LYST: variants seen among roughly 807,000 people sequenced by gnomAD.
LYST encodes lysosomal-trafficking regulator.
A neutral mutation model predicts 413.6 loss-of-function variants in LYST; 192 were observed. That is an observed-to-expected ratio of 0.46 (90% CI 0.41 to 0.52). The LOEUF (loss-of-function observed/expected upper bound fraction) is 0.52. Among genes scored for constraint, LYST ranks in the 20% least tolerant of loss-of-function variants. The pLI, the probability that LYST is intolerant of heterozygous loss-of-function variation, is 0.00. For synonymous variants in LYST, 1,525 were observed against 1,567.3 expected (o/e 0.97, Z 0.64); for missense variants, 3,815 against 4,499.9 (o/e 0.85, Z 4.35).
At chr1:235,868,892 A>G (rs1680789495), upstream of LYST, among the ~76,000 whole-genome samples, 1 of 151,952 alleles carries the variant, frequency 6.6e-6, no homozygotes, top group African/African-American at 2.4e-5. Flanking sequence ...ACAGAGTTTC[A>G]TCATGTTGGT....
intron 45 of LYST, among the ~76,000 whole-genome samples, chr1:235,700,278 A>G (rs959216111): frequency 6.6e-6 from 1 of 152,228 alleles, no homozygotes; most frequent in African/African-American, 2.4e-5. Context: ...AGAGACTACC[A>G]TCAGAGTGAA....
At chr1:235,807,258 C>T (rs768044934) in intron 5 of LYST, among the ~76,000 whole-genome samples, 5 of 152,142 alleles carry the variant, frequency 3.3e-5, no homozygotes, top group African/African-American at 7.2e-5. Context: ...TGAAAATCTA[C>T]GGAAGGCTCA....
At position 235,753,064 on chromosome 1, in the gene LYST, G is replaced by C; in HGVS notation, c.7440C>G (p.Ala2480=). The C allele has an allele frequency of 6.4e-7, 1 of 1,559,652 alleles. No individual in the cohort carries two copies. Among genetic ancestry groups the C allele is most frequent in the Non-Finnish European group, 8.8e-7 (1 of 1,131,154 alleles). Residue 2480 remains alanine (A), a synonymous_variant, in exon 26 of 53, where the codon GCC becomes GCG. Transcript: ENST00000389793. ...LLYVLCNTVA[A]LNGLEKNIPM... ...CTTACTTCTTTTCTAATCCATTCAG[G>C]GCTGCTACTGTATTACATAACACAT...
chr1:235,695,447 C>T (rs1466141606), intron 46 of LYST, among the ~76,000 whole-genome samples: 1 of 152,042 alleles, frequency 6.6e-6, no homozygotes, highest in South Asian at 2.1e-4. Flanking sequence ...ATACATTGTG[C>T]GAAGAAATTA....
At chr1:235,759,752 A>G (rs2103355430) in intron 22 of LYST, among the ~76,000 whole-genome samples, 153 bp from the exon 23 acceptor site, 1 of 152,186 alleles carries the variant, frequency 6.6e-6, no homozygotes, top group East Asian at 1.9e-4. Flanking sequence ...AATGCTTAAA[A>G]TTCCTTTACT....
At chr1:235,754,092 T>A (rs1388770519) in intron 25 of LYST, among the ~76,000 whole-genome samples, 2 of 152,138 alleles carry the variant, frequency 1.3e-5, no homozygotes, top group East Asian at 3.8e-4. Flanking sequence ...AATCAGTGTA[T>A]CCAGGAATTC....
At chr1:235,707,579 C>T (rs1223494311) in intron 44 of LYST, among the ~76,000 whole-genome samples, 2 of 152,034 alleles carry the variant, frequency 1.3e-5, no homozygotes, top group African/African-American at 2.4e-5. Flanking sequence ...GCTGAGATCA[C>T]GCCACTGCAC....
chr1:235,733,416 G>T, intron 34 of LYST, 87 bp downstream of exon 34: 1 of 1,142,840 alleles, frequency 8.8e-7, no homozygotes, highest in East Asian at 2.4e-5. Flanking sequence ...GATTTTATGA[G>T]TCTGAATTCC....
chr1:235,873,990 T>C (rs1380288999), intron 1 of LYST, among the ~76,000 whole-genome samples: 1 of 152,178 alleles, frequency 6.6e-6, no homozygotes, highest in Non-Finnish European at 1.5e-5. Flanking sequence ...ATAATATAAG[T>C]TCTCAGCAGA....
intron 44 of LYST, among the ~76,000 whole-genome samples, chr1:235,706,992 C>T (rs970606960): frequency 1.6e-4 from 24 of 152,132 alleles, no homozygotes; most frequent in African/African-American, 4.6e-4. Context: ...TTGTTATAAA[C>T]GCTTGTAGAT....
rs1270485547 is a variant in LYST, at chr1:235,662,334, G to C, written c.*606C>G. ...CTCCTTTGAGCTAAGAAAGCAACTG[G>C]CAAAAACTGCCTAATTTTGAGATTC... is the stretch of plus-strand genomic sequence containing the variant. On this transcript the variant is annotated 3_prime_UTR_variant, in exon 53 of 53. Coordinates refer to ENST00000389793, the MANE Select transcript of LYST (RefSeq NM_000081.4). The C allele has an allele frequency of 1.3e-5, 2 of 152,726 alleles. No individual in the cohort carries two copies. Among genetic ancestry groups the C allele is most frequent in the East Asian group, 3.8e-4 (2 of 5,202 alleles). The allele number at this position is 152,726 out of a possible 1,614,324, so 9.5% of individuals were successfully genotyped here.
At chr1:235,694,261 C>T (rs530869737) in intron 46 of LYST, among the ~76,000 whole-genome samples, 22 of 152,028 alleles carry the variant, frequency 1.4e-4, no homozygotes, top group Admixed American at 7.2e-4. Context: ...GTGATCTGCC[C>T]GCCTCGGCCT....
intron 1 of LYST, among the ~76,000 whole-genome samples, chr1:235,856,563 C>G (rs1055833206): frequency 2.6e-5 from 4 of 152,166 alleles, no homozygotes; most frequent in Non-Finnish European, 4.4e-5. Flanking sequence ...TAAAATTATA[C>G]ATCTTCAATG....
At position 235,775,093 on chromosome 1, in the gene LYST, A is replaced by G; in HGVS notation, c.5461-7T>C. ...AGCTACTGAGTTCAACAACCTAAAA[A>G]AAAAAATGGGTGGATATAGTTTTCT... On this transcript the variant is annotated splice_region_variant and splice_polypyrimidine_tract_variant and intron_variant, in intron 17 of 52. Transcript: ENST00000389793. 6.2e-7 allele frequency: 1 copy of G among 1,608,214 alleles called. No individual in the cohort carries two copies. Among genetic ancestry groups the G allele is most frequent in the Non-Finnish European group, 8.5e-7 (1 of 1,178,412 alleles).
chr1:235,737,946 ACCCGC>A, intron 31 of LYST: 1 of 1,217,114 alleles, frequency 8.2e-7, no homozygotes, highest in South Asian at 3.2e-5. Flanking sequence ...GTGCCCCAAC[ACCCGC>A]CGGACGTGCA....
rs763433116 is a variant in LYST, at chr1:235,813,023, CAGA to C, written c.228_230del (p.Leu77del). The C allele has an allele frequency of 1.9e-6, 3 of 1,612,200 alleles. No individual in the cohort carries two copies. Among genetic ancestry groups the C allele is most frequent in the East Asian group, 2.2e-5 (1 of 44,750 alleles). On this transcript the variant is annotated inframe_deletion, in exon 4 of 53. Coordinates refer to ENST00000389793, the MANE Select transcript of LYST (RefSeq NM_000081.4). ...TCTTCCATACCAGTGGAAGGAGAGA[CAGA>C]AGAAGAGTCAGGAGTTCTTCTCTAC...
chr1:235,703,542 G>T (rs900066991), intron 44 of LYST, among the ~76,000 whole-genome samples: 1 of 152,048 alleles, frequency 6.6e-6, no homozygotes, highest in African/African-American at 2.4e-5. Context: ...TAAAGCTGGC[G>T]GTCAGTAATT....
Position 235,777,523 on chromosome 1 carries a change from T to C in LYST, c.5215-215A>G, listed in dbSNP as rs576815017. ...ATTTATTTAGCAGTGATCAATTGTA[T>C]AGATCACATCAAGGTTGAGAAGGAT... is the stretch of plus-strand genomic sequence containing the variant. On this transcript the variant is annotated intron_variant, in intron 16 of 52. Coordinates refer to ENST00000389793, the MANE Select transcript of LYST (RefSeq NM_000081.4). 5.3e-5 allele frequency among the ~76,000 whole-genome samples: 8 copies of C among 152,334 alleles called. 1 individual carries two copies. The highest frequency in any genetic ancestry group is 1.9e-4 in the African/African-American group (8 of 41,568).
intron 3 of LYST, among the ~76,000 whole-genome samples, chr1:235,826,073 A>T (rs1328409530): frequency 6.6e-6 from 1 of 152,216 alleles, no homozygotes; most frequent in Admixed American, 6.5e-5. Flanking sequence ...TGCAAATTAA[A>T]CCTACAATGA....
Sources: allele counts gnomAD v4.1 joint callset (sites outside exome capture counted in the v4.1 genomes callset), GRCh38; gene constraint gnomAD v4.1.1; transcripts MANE v1.5; gene names NCBI Gene and HGNC (gene_info 2026-07-23, HGNC 2026-07-21).